EYS: variants seen among roughly 807,000 people sequenced by gnomAD.
The protein encoded by EYS is protein eyes shut homolog.
Under a neutral mutation model 282.1 loss-of-function variants are expected in EYS, and 250 were observed. The observed-to-expected ratio is 0.89, with a 90% CI of 0.80 to 0.98. The LOEUF is 0.98. Ranked by LOEUF, EYS falls within the 50% of genes least tolerant of loss-of-function variation. The pLI is 0.00. For missense variants in EYS, 4,016 were observed against 3,709.0 expected, an observed-to-expected ratio of 1.08 and a Z score of -2.15; for synonymous variants, 1,355 against 1,282.9, an observed-to-expected ratio of 1.06 and a Z score of -1.20.
At chr6:64,252,297 G>C (rs1449280941) in intron 30 of EYS, among the ~76,000 whole-genome samples, 2 of 151,930 alleles carry the variant, frequency 1.3e-5, no homozygotes, top group Admixed American at 1.3e-4. Flanking sequence ...TTAGAAACCT[G>C]AGCGTAATCC....
chr6:64,577,648 T>C (rs1170407298), intron 26 of EYS, among the ~76,000 whole-genome samples: 3 of 152,108 alleles, frequency 2.0e-5, no homozygotes, highest in South Asian at 4.1e-4. Context: ...AGAATGAGTA[T>C]AGATGCACAA....
intron 29 of EYS, among the ~76,000 whole-genome samples, chr6:64,348,198 ATTTG>A (rs1462940126): frequency 1.3e-5 from 2 of 151,370 alleles, no homozygotes; most frequent in Non-Finnish European, 3.0e-5. Flanking sequence ...TGCACTTCTC[ATTTG>A]TTTCTCATGA....
chr6:65,447,318 ATATATATGTGTG>A (rs1768701734), intron 5 of EYS, among the ~76,000 whole-genome samples: 2 of 87,758 alleles, frequency 2.3e-5, no homozygotes, highest in African/African-American at 6.8e-5. Context: ...GTGTGTGTGT[ATATATATGTGTG>A]TGTATATATA....
chr6:64,123,556 C>T (rs554891975), intron 31 of EYS, among the ~76,000 whole-genome samples: 1 of 152,250 alleles, frequency 6.6e-6, no homozygotes, highest in African/African-American at 2.4e-5. Context: ...TTTTAGCAAT[C>T]TTGGTTTGGG....
At chr6:64,709,335 A>T (rs1003619706) in intron 22 of EYS, among the ~76,000 whole-genome samples, 3 of 152,116 alleles carry the variant, frequency 2.0e-5, no homozygotes, top group African/African-American at 7.2e-5. Context: ...CTTCCAAATC[A>T]CTATCCTAAG....
At chr6:64,630,025 A>G (rs887691833) in intron 22 of EYS, among the ~76,000 whole-genome samples, 1 of 152,222 alleles carries the variant, frequency 6.6e-6, no homozygotes, top group East Asian at 1.9e-4. Context: ...GATGTTAGCT[A>G]TAAGTTTTTA....
At chr6:65,317,917 G>C (rs1769356488) in intron 11 of EYS, among the ~76,000 whole-genome samples, 1 of 145,280 alleles carries the variant, frequency 6.9e-6, no homozygotes. Context: ...GCCCAGGCTG[G>C]AGGGCAGTGG....
chr6:65,603,185 C>A lies in EYS; in HGVS notation c.-333+36593G>T, dbSNP rs1403369809. 2.6e-5 allele frequency among the ~76,000 whole-genome samples: 4 copies of A among 151,930 alleles called. No individual in the cohort carries two copies. In the East Asian group the frequency reaches 7.7e-4, roughly 29 times the overall value. On this transcript the variant is annotated intron_variant, in intron 2 of 42. Coordinates refer to ENST00000503581, the MANE Select transcript of EYS (RefSeq NM_001142800.2). Reference sequence around the variant, plus strand: ...TACACCACTTCCTGCTTTAGAGGCTCACAGCCCATCTGAAAGAGACAGACA... The same window carrying A: ...TACACCACTTCCTGCTTTAGAGGCTAACAGCCCATCTGAAAGAGACAGACA...
At chr6:64,542,051 C>T (rs1047065223) in intron 26 of EYS, among the ~76,000 whole-genome samples, 1 of 151,832 alleles carries the variant, frequency 6.6e-6, no homozygotes, top group African/African-American at 2.4e-5. Context: ...ATTTTTGGAC[C>T]TGAACTCACA....
At chr6:64,574,149 C>T (rs1308869496) in intron 26 of EYS, among the ~76,000 whole-genome samples, 2 of 152,116 alleles carry the variant, frequency 1.3e-5, no homozygotes, top group Non-Finnish European at 2.9e-5. Context: ...AGCTGGAAAC[C>T]ATCATTCTCA....
At chr6:63,775,285 C>T (rs529818997) in intron 40 of EYS, among the ~76,000 whole-genome samples, 38 of 152,300 alleles carry the variant, frequency 2.5e-4, no homozygotes, top group African/African-American at 9.1e-4. Flanking sequence ...TGTACCAAAA[C>T]AATGCCTCCC....
intron 12 of EYS, among the ~76,000 whole-genome samples, chr6:65,205,415 T>C (rs1766010783): frequency 6.6e-6 from 1 of 151,866 alleles, no homozygotes. Flanking sequence ...AAACAATTTC[T>C]ACTTAACCTA....
At chr6:64,308,926 T>A (rs1171102420) in intron 29 of EYS, among the ~76,000 whole-genome samples, 1 of 152,164 alleles carries the variant, frequency 6.6e-6, no homozygotes, top group East Asian at 1.9e-4. Flanking sequence ...AAGTACTGAT[T>A]TGTCATTGTT....
chr6:65,603,875 C>T (rs1413330317), intron 2 of EYS, among the ~76,000 whole-genome samples: 1 of 151,672 alleles, frequency 6.6e-6, no homozygotes, highest in Non-Finnish European at 1.5e-5. Flanking sequence ...TAAAACTGCT[C>T]ATGTTTTTTT....
chr6:63,998,058 C>T (rs1767915573), intron 34 of EYS, among the ~76,000 whole-genome samples: 1 of 152,082 alleles, frequency 6.6e-6, no homozygotes, highest in African/African-American at 2.4e-5. Flanking sequence ...TAACAACCCA[C>T]TTGAACAATT....
intron 11 of EYS, among the ~76,000 whole-genome samples, chr6:65,306,825 T>A (rs1582125028): frequency 2.7e-5 from 1 of 36,732 alleles, no homozygotes; most frequent in African/African-American, 9.1e-5. Flanking sequence ...AGAGCAAGAG[T>A]CCGTCTCAAA....
chr6:64,296,573 T>C (rs1417800615), intron 30 of EYS, among the ~76,000 whole-genome samples: 6 of 7,910 alleles, frequency 7.6e-4, no homozygotes, highest in African/African-American at 1.8e-3. Context: ...TATATATATA[T>C]ATATATATAT....
At chr6:64,904,742 A>T (rs1767771034) in intron 16 of EYS, among the ~76,000 whole-genome samples, 1 of 152,126 alleles carries the variant, frequency 6.6e-6, no homozygotes, top group African/African-American at 2.4e-5. Context: ...AGCCTCCATG[A>T]TTTCAGCTGT....
intron 28 of EYS, among the ~76,000 whole-genome samples, chr6:64,396,938 G>T (rs758253912): frequency 1.6e-4 from 25 of 152,050 alleles, no homozygotes; most frequent in Admixed American, 1.2e-3. Context: ...GTGTATGTGT[G>T]TGTATTCCTG....
Sources: allele counts gnomAD v4.1 joint callset (sites outside exome capture counted in the v4.1 genomes callset), GRCh38; gene constraint gnomAD v4.1.1; transcripts MANE v1.5; gene names NCBI Gene and HGNC (gene_info 2026-07-23, HGNC 2026-07-21).